The following ATF7 variants were observed in gnomAD, a reference collection of about 807,000 sequenced individuals.
ATF7 encodes cyclic AMP-dependent transcription factor ATF-7.
ATF7 carries 10 observed loss-of-function variants against 50.4 expected under a neutral mutation model. The ratio of observed to expected loss-of-function variants is 0.20; its 90% CI spans 0.12 to 0.34. ATF7 has a LOEUF of 0.34. Ranked by LOEUF, ATF7 falls within the 10% of genes least tolerant of loss-of-function variation. The pLI is 1.00. For synonymous variants in ATF7, 201 were observed against 226.4 expected (o/e 0.89, Z 1.01); for missense variants, 465 against 613.9 (o/e 0.76, Z 2.56).
chr12:53,558,221 AT>A, intron 2 of ATF7, among the ~76,000 whole-genome samples: 1 of 152,332 alleles, frequency 6.6e-6, no homozygotes, highest in Non-Finnish European at 1.5e-5. Context: ...GTTTGGAGAC[AT>A]TTTTGTTTGT....
chr12:53,578,496 A>G (rs1313175834), intron 2 of ATF7, among the ~76,000 whole-genome samples: 1 of 151,986 alleles, frequency 6.6e-6, no homozygotes, highest in Non-Finnish European at 1.5e-5. Flanking sequence ...AGAGAAGGAA[A>G]ATGAGCTAGG....
chr12:53,622,174 C>T (rs950764453), intron 1 of ATF7, among the ~76,000 whole-genome samples: 2 of 151,932 alleles, frequency 1.3e-5, no homozygotes, highest in Non-Finnish European at 2.9e-5. Flanking sequence ...GGATGGCGGG[C>T]ACCTGTACTC....
chr12:53,569,839 C>T (rs1018873436), intron 2 of ATF7, among the ~76,000 whole-genome samples: 2 of 152,032 alleles, frequency 1.3e-5, no homozygotes, highest in Non-Finnish European at 2.9e-5. Context: ...CCACCATGCC[C>T]GGCTAACTTT....
At chr12:53,611,985 T>C (rs1409637148) in intron 1 of ATF7, among the ~76,000 whole-genome samples, 1 of 152,192 alleles carries the variant, frequency 6.6e-6, no homozygotes. Context: ...ATTTTTGTTC[T>C]TATTTTTTGA....
At chr12:53,610,312 C>A (rs1943808447) in intron 1 of ATF7, among the ~76,000 whole-genome samples, 1 of 151,936 alleles carries the variant, frequency 6.6e-6, no homozygotes, top group Non-Finnish European at 1.5e-5. Flanking sequence ...CACCTGTAAT[C>A]CCAGCACTTT....
chr12:53,523,873 A>C (rs1167548550), intron 10 of ATF7, among the ~76,000 whole-genome samples: 1 of 152,174 alleles, frequency 6.6e-6, no homozygotes, highest in Non-Finnish European at 1.5e-5. Context: ...GATCTCCAGG[A>C]AACACTGTTA....
chr12:53,618,030 T>C (rs1022009921), intron 1 of ATF7, among the ~76,000 whole-genome samples: 1 of 152,204 alleles, frequency 6.6e-6, no homozygotes, highest in African/African-American at 2.4e-5. Context: ...GAAAATGTCA[T>C]GATAAAATAT....
At chr12:53,601,294 A>G (rs1283148746) in intron 1 of ATF7, among the ~76,000 whole-genome samples, 2 of 152,232 alleles carry the variant, frequency 1.3e-5, no homozygotes, top group African/African-American at 4.8e-5. Context: ...ACTACAGTAT[A>G]TAACACACTT....
chr12:53,543,264 A>G, intron 4 of ATF7, 66 bp downstream of exon 4: 1 of 1,551,914 alleles, frequency 6.4e-7, no homozygotes, highest in Non-Finnish European at 8.7e-7. Context: ...AAATTATCCC[A>G]AAGCACAATA....
At chr12:53,572,642 C>T (rs1941827952) in intron 2 of ATF7, among the ~76,000 whole-genome samples, 1 of 152,136 alleles carries the variant, frequency 6.6e-6, no homozygotes. Context: ...TAGTCAACTG[C>T]AGTTCAAAAA....
At chr12:53,613,446 C>T (rs963658430) in intron 1 of ATF7, among the ~76,000 whole-genome samples, 1 of 151,908 alleles carries the variant, frequency 6.6e-6, no homozygotes, top group African/African-American at 2.4e-5. Flanking sequence ...AAACTTATCT[C>T]ATAATTGCTA....
chr12:53,619,827 T>C (rs1944305272), intron 1 of ATF7, among the ~76,000 whole-genome samples: 1 of 149,588 alleles, frequency 6.7e-6, no homozygotes, highest in Non-Finnish European at 1.5e-5. Context: ...AAAAAAAAAG[T>C]TTCCGAAACA....
chr12:53,569,102 T>G (rs1416878162), intron 2 of ATF7, among the ~76,000 whole-genome samples: 1 of 152,096 alleles, frequency 6.6e-6, no homozygotes, highest in Non-Finnish European at 1.5e-5. Flanking sequence ...AGCCCAGGTG[T>G]TTGAAGCTGC....
intron 2 of ATF7, among the ~76,000 whole-genome samples, chr12:53,575,089 T>C (rs992748096): frequency 6.6e-6 from 1 of 151,022 alleles, no homozygotes; most frequent in Non-Finnish European, 1.5e-5. Flanking sequence ...CTGACCAACA[T>C]GGTGAAACCC....
At chr12:53,518,169 C>T (rs892029874) in intron 11 of ATF7, among the ~76,000 whole-genome samples, 30 of 152,216 alleles carry the variant, frequency 2.0e-4, no homozygotes, top group African/African-American at 5.5e-4. Context: ...CAGGCCTATT[C>T]CATTATTTTT....
chr12:53,549,490 G>A lies in ATF7; in HGVS notation c.145+3051C>T, dbSNP rs71455252. 4.6e-3 allele frequency among the ~76,000 whole-genome samples: 702 copies of A among 151,320 alleles called. 4 individuals carry two copies. The highest frequency in any genetic ancestry group is 7.2e-3 in the Non-Finnish European group (487 of 67,834). Reference sequence around the variant, plus strand: ...ACAATCTTGGCTCACCACAACCTCCGCCTCCTGAGTTCAAGCGACTCTCCT... The same window carrying A: ...ACAATCTTGGCTCACCACAACCTCCACCTCCTGAGTTCAAGCGACTCTCCT... On this transcript the variant is annotated intron_variant, in intron 3 of 11. Coordinates refer to ENST00000420353, the MANE Select transcript of ATF7 (RefSeq NM_006856.3).
chr12:53,509,219 T>A (rs1486452433), downstream of ATF7, among the ~76,000 whole-genome samples: 1 of 152,152 alleles, frequency 6.6e-6, no homozygotes, highest in Admixed American at 6.5e-5. Flanking sequence ...GGGTGTGCAT[T>A]ACTTAACATA....
At chr12:53,577,036 A>ATTG (rs1175129644) in intron 2 of ATF7, among the ~76,000 whole-genome samples, 8 of 152,314 alleles carry the variant, frequency 5.3e-5, no homozygotes, top group African/African-American at 1.9e-4. Context: ...AGCCTGGGTG[A>ATTG]CCAAGAGAGA....
chr12:53,548,203 CT>C (rs1175870207), intron 3 of ATF7, among the ~76,000 whole-genome samples: 4 of 151,784 alleles, frequency 2.6e-5, no homozygotes, highest in Non-Finnish European at 5.9e-5. Context: ...TAAGATGGGT[CT>C]CATGTTGCCC....
Sources: allele counts gnomAD v4.1 joint callset (sites outside exome capture counted in the v4.1 genomes callset), GRCh38; gene constraint gnomAD v4.1.1; transcripts MANE v1.5; gene names NCBI Gene and HGNC (gene_info 2026-07-23, HGNC 2026-07-21).